The following CHL1 variants were observed in gnomAD, a reference collection of about 807,000 sequenced individuals.
The protein encoded by CHL1 is neural cell adhesion molecule L1-like protein.
CHL1 carries 96 observed loss-of-function variants against 141.9 expected under a neutral mutation model. The observed-to-expected ratio is 0.68, with a 90% CI of 0.57 to 0.80. The LOEUF is 0.80. Ranked by LOEUF, CHL1 falls within the 30% of genes least tolerant of loss-of-function variation. The probability of loss-of-function intolerance (pLI) is 0.00; values close to 1 mark genes in which losing one functional copy is unlikely to be tolerated. For missense variants in CHL1, 1,820 were observed against 1,457.2 expected, an observed-to-expected ratio of 1.25 and a Z score of -4.05; for synonymous variants, 613 against 502.2, an observed-to-expected ratio of 1.22 and a Z score of -2.95.
At chr3:262,866 C>T (rs1236064017) in intron 2 of CHL1, among the ~76,000 whole-genome samples, 1 of 152,200 alleles carries the variant, frequency 6.6e-6, no homozygotes, top group Admixed American at 6.5e-5. Flanking sequence ...GCAAACTAAT[C>T]AAAACACACC....
In CHL1 at chr3:336,727, T is replaced by C. The variant is rs79187604; in HGVS notation, c.386-4067T>C. Among the ~76,000 whole-genome samples, 959 of 152,362 alleles carry C rather than the reference T, an allele frequency of 6.3e-3. 13 individuals are homozygous for C. The highest frequency in any genetic ancestry group is 0.022 in the African/African-American group (898 of 41,586). Reference sequence around the variant, plus strand: ...ATAAATTCTGTTTTCAGAAGTCTTCTTTATTTCAGGAATGAAGATGCTATT... The same window carrying C: ...ATAAATTCTGTTTTCAGAAGTCTTCCTTATTTCAGGAATGAAGATGCTATT... On this transcript the variant is annotated intron_variant, in intron 5 of 27. Coordinates refer to ENST00000256509, the MANE Select transcript of CHL1 (RefSeq NM_006614.4).
intron 22 of CHL1, among the ~76,000 whole-genome samples, chr3:391,400 C>T (rs1708217824): frequency 6.6e-6 from 1 of 152,120 alleles, no homozygotes; most frequent in Non-Finnish European, 1.5e-5. Flanking sequence ...CCTGTAGTCC[C>T]AGCTACTCGG....
At chr3:386,208 GAA>G (rs11359398) in intron 19 of CHL1, among the ~76,000 whole-genome samples, 16,400 of 120,784 alleles carry the variant, frequency 0.14, 2,144 homozygotes, top group African/African-American at 0.36. Context: ...GACATAATTT[GAA>G]AAAAAAAAAA....
intron 2 of CHL1, among the ~76,000 whole-genome samples, chr3:253,971 T>A (rs4002871): frequency 0.15 from 23,313 of 152,060 alleles, 2,133 homozygotes; most frequent in East Asian, 0.39. Context: ...TTGAACTTGA[T>A]GATATTATCT....
chr3:281,434 C>A (rs150324178), intron 2 of CHL1, among the ~76,000 whole-genome samples: 1 of 152,080 alleles, frequency 6.6e-6, no homozygotes, highest in Non-Finnish European at 1.5e-5. Flanking sequence ...GTGGTCATGT[C>A]GGTTCTCCTG....
chr3:372,437 G>A (rs954527386), intron 15 of CHL1, among the ~76,000 whole-genome samples: 5 of 152,050 alleles, frequency 3.3e-5, no homozygotes, highest in African/African-American at 1.2e-4. Flanking sequence ...AAGTTCTCCT[G>A]CTGTGTTTTT....
In CHL1 at chr3:237,238, T is replaced by A. The variant is rs1275945952; in HGVS notation, c.-174-7375T>A. On this transcript the variant is annotated intron_variant, in intron 1 of 27. Coordinates refer to ENST00000256509, the MANE Select transcript of CHL1 (RefSeq NM_006614.4). The stretch of plus-strand genomic sequence containing the variant: ...GTGAGTGAGGTCTCACAAGATCTGA[T>A]GGTTTAAAAGTGTGTGGAAGTTCCC... 2.6e-5 allele frequency among the ~76,000 whole-genome samples: 4 copies of A among 152,286 alleles called. No individual in the cohort carries two copies. The East Asian group carries it at 7.7e-4, about 29-fold the overall frequency.
At chr3:344,795 A>G in intron 9 of CHL1, 86 bp downstream of exon 9, 1 of 1,289,182 alleles carries the variant, frequency 7.8e-7, no homozygotes, top group Non-Finnish European at 1.1e-6. Context: ...TGTGCTTGCA[A>G]AGATATTTTA....
At chr3:253,340 A>C (rs952187888) in intron 2 of CHL1, among the ~76,000 whole-genome samples, 3 of 152,112 alleles carry the variant, frequency 2.0e-5, no homozygotes, top group African/African-American at 7.2e-5. Context: ...TTCTTCTCTG[A>C]GGAGTTATTG....
At chr3:401,170 G>A (rs772983942) in intron 26 of CHL1, among the ~76,000 whole-genome samples, 58 of 152,088 alleles carry the variant, frequency 3.8e-4, no homozygotes, top group Non-Finnish European at 6.9e-4. Context: ...CCAAAGTGCC[G>A]GGATTACAGG....
chr3:400,549 G>A (rs1296889454), intron 26 of CHL1, among the ~76,000 whole-genome samples: 1 of 138,670 alleles, frequency 7.2e-6, no homozygotes, highest in African/African-American at 2.6e-5. Context: ...GCATGTAGTC[G>A]TAAAATGTTC....
chr3:295,056 C>A lies in CHL1; in HGVS notation c.-94-24627C>A, dbSNP rs557782356. ...CCCTTTCTCCTTCTCCTCTTCCTTTCTTCCTTTGTTTCTTTTCTTTCTTTG... is the reference window on the plus strand; with the variant it reads ...CCCTTTCTCCTTCTCCTCTTCCTTTATTCCTTTGTTTCTTTTCTTTCTTTG... On this transcript the variant is annotated intron_variant, in intron 2 of 27. Transcript: ENST00000256509. Among the ~76,000 whole-genome samples the A allele has an allele frequency of 2.3e-4, 35 of 152,220 alleles. No homozygotes were observed. The South Asian group carries it at 7.3e-3, about 32-fold the overall frequency.
chr3:221,998 A>G (rs959448687), intron 1 of CHL1, among the ~76,000 whole-genome samples: 4 of 152,212 alleles, frequency 2.6e-5, no homozygotes, highest in African/African-American at 4.8e-5. Flanking sequence ...CTCCTTACAA[A>G]GTAATTAGAA....
rs1708180931 is a variant in CHL1 at position 391,013 on chromosome 3, A to C, written c.2645A>C (p.Asn882Thr). 6.2e-7 allele frequency: 1 copy of C among 1,614,090 alleles called. No individual in the cohort carries two copies. Among genetic ancestry groups the C allele is most frequent in the South Asian group, 1.1e-5 (1 of 91,090 alleles). Residue 882 changes from asparagine (N) to threonine (T), a missense_variant, in exon 22 of 28, where the codon AAC becomes ACC. Transcript: ENST00000256509. ...GGAAGAACACATCCCAAAGAAGTGA[A>C]CATTCTAAGATTTTCAGGACAAAGA... The part of the protein sequence containing the change: ...LDGRTHPKEV[N>T]ILRFSGQRNS...
At chr3:334,612 T>C (rs1381058884) in intron 5 of CHL1, among the ~76,000 whole-genome samples, 1 of 152,242 alleles carries the variant, frequency 6.6e-6, no homozygotes, top group African/African-American at 2.4e-5. Context: ...ATCAGTAGTT[T>C]ATTTCTCTAT....
At chr3:366,680 G>C (rs1865163) in intron 15 of CHL1, among the ~76,000 whole-genome samples, 147,057 of 148,074 alleles carry the variant, frequency 0.99, 73,029 homozygotes, top group Middle Eastern at 1. Flanking sequence ...GGCTTGGATG[G>C]TTGCAAAAAA....
chr3:318,170 T>A (rs1700285801), intron 2 of CHL1, among the ~76,000 whole-genome samples: 1 of 151,894 alleles, frequency 6.6e-6, no homozygotes, highest in East Asian at 1.9e-4. Flanking sequence ...TTGCTGTTCC[T>A]TAAGACTGCT....
At chr3:301,829 C>T (rs180996188) in intron 2 of CHL1, among the ~76,000 whole-genome samples, 1 of 152,294 alleles carries the variant, frequency 6.6e-6, no homozygotes, top group Non-Finnish European at 1.5e-5. Context: ...AATACACATG[C>T]CGTGGTGGTT....
chr3:376,592 A>G (rs541742846), intron 15 of CHL1, among the ~76,000 whole-genome samples: 2 of 152,356 alleles, frequency 1.3e-5, no homozygotes, highest in Admixed American at 6.5e-5. Flanking sequence ...ACCCCGTGCC[A>G]GGGTATAAAT....
Sources: gnomAD v4.1 joint callset for allele counts (sites outside exome capture counted in the v4.1 genomes callset) on GRCh38, gnomAD v4.1.1 for gene constraint, MANE v1.5 for transcripts, NCBI Gene and HGNC (gene_info 2026-07-23, HGNC 2026-07-21) for gene names.